The following FBXO25 variants were observed in gnomAD, a reference collection of about 807,000 sequenced individuals.
FBXO25 encodes F-box only protein 25.
FBXO25 carries 45 observed loss-of-function variants against 51.9 expected under a neutral mutation model. The ratio of observed to expected loss-of-function variants is 0.87; its 90% CI spans 0.68 to 1.11. FBXO25 has a LOEUF of 1.11. Among genes scored for constraint, FBXO25 ranks in the 50% most tolerant of loss-of-function variants. The pLI is 0.00. For synonymous variants in FBXO25, 199 were observed against 151.0 expected (o/e 1.32, Z -2.33); for missense variants, 507 against 428.5 (o/e 1.18, Z -1.62).
chr8:455,124 G>A (rs969208476), intron 7 of FBXO25, among the ~76,000 whole-genome samples: 1 of 151,578 alleles, frequency 6.6e-6, no homozygotes, highest in Non-Finnish European at 1.5e-5. Context: ...TCCGCATCCA[G>A]GGGCTAATAA....
chr8:454,394 C>G (rs192669100), intron 7 of FBXO25, among the ~76,000 whole-genome samples: 116 of 152,350 alleles, frequency 7.6e-4, no homozygotes, highest in Admixed American at 6.9e-3. Flanking sequence ...TCAGCACTTC[C>G]TAGATGCCCC....
At position 432,287 on chromosome 8, in the gene FBXO25, G is replaced by A. The variant is rs543677753; in HGVS notation, c.239-599G>A. ...GGATTTGCATCCCAGGCAGGACAGA[G>A]CAGGACGGTGTGAGATTTCATGACA... On this transcript the variant is annotated intron_variant, in intron 3 of 9. Transcript: ENST00000350302. Among the ~76,000 whole-genome samples the A allele has an allele frequency of 1.3e-4, 20 of 152,238 alleles. No individual in the cohort carries two copies. In the South Asian group the frequency reaches 3.7e-3, roughly 28 times the overall value.
chr8:422,697 T>G (rs1308608926), intron 2 of FBXO25, among the ~76,000 whole-genome samples: 1 of 152,160 alleles, frequency 6.6e-6, no homozygotes, highest in Non-Finnish European at 1.5e-5. Flanking sequence ...TTAAGAAAAT[T>G]AATAGGCAAG....
intron 2 of FBXO25, among the ~76,000 whole-genome samples, chr8:430,403 T>G (rs538158895): frequency 5.9e-5 from 9 of 152,238 alleles, no homozygotes; most frequent in Non-Finnish European, 1.3e-4. Context: ...TGTTTAAGTC[T>G]GTTCTGACAG....
intron 8 of FBXO25, among the ~76,000 whole-genome samples, chr8:458,943 C>T (rs1799631208): frequency 6.6e-6 from 1 of 152,176 alleles, no homozygotes; most frequent in East Asian, 1.9e-4. Context: ...GCCTCAGTCT[C>T]TCAGCACTCG....
intron 2 of FBXO25, among the ~76,000 whole-genome samples, 186 bp downstream of exon 2, chr8:413,399 C>G (rs1796604582): frequency 2.0e-5 from 3 of 151,992 alleles, no homozygotes; most frequent in East Asian, 3.9e-4. Flanking sequence ...TACACAGATG[C>G]TTTCGTCTTT....
rs1398107768 is a variant in FBXO25 at position 468,756 on chromosome 8, C to A, written c.1029C>A (p.Cys343Ter). 6.2e-7 allele frequency: 1 copy of A among 1,614,086 alleles called. No individual in the cohort carries two copies. The highest frequency in any genetic ancestry group is 8.5e-7 in the Non-Finnish European group (1 of 1,180,030). Residue 343 changes from cysteine (C) to a stop codon, truncating the protein, a stop_gained, in exon 10 of 10, where the codon TGC becomes TGA. Transcript: ENST00000350302. LOFTEE classifies it high-confidence loss of function. ...HPCTAADPDS[C>*]FTPVSPQHFI... is the part of the protein sequence containing the mutation. ...GCACGGCGGCCGACCCTGACAGCTGCTTCACGCCTGTGTCTCCGCAGCACT... is the reference window on the plus strand; with the variant it reads ...GCACGGCGGCCGACCCTGACAGCTGATTCACGCCTGTGTCTCCGCAGCACT...
At chr8:457,518 C>T (rs1272762276) in intron 7 of FBXO25, among the ~76,000 whole-genome samples, 1 of 152,120 alleles carries the variant, frequency 6.6e-6, no homozygotes, top group East Asian at 1.9e-4. Flanking sequence ...AACTTGAAGT[C>T]ATAGAAATGT....
chr8:436,692 T>A (rs1798122891), intron 5 of FBXO25, among the ~76,000 whole-genome samples: 1 of 152,146 alleles, frequency 6.6e-6, no homozygotes, highest in South Asian at 2.1e-4. Context: ...GAAATGCAGA[T>A]TTGACTCAGC....
At chr8:461,649 A>T (rs1470793567) in intron 8 of FBXO25, among the ~76,000 whole-genome samples, 1 of 151,994 alleles carries the variant, frequency 6.6e-6, no homozygotes, top group Non-Finnish European at 1.5e-5. Flanking sequence ...AAACAAAACA[A>T]AACAAAACAT....
rs202208815 is a variant in FBXO25 at position 462,991 on chromosome 8, A to C, written c.844-16A>C. On this transcript the variant is annotated splice_polypyrimidine_tract_variant and intron_variant, in intron 8 of 9. Transcript: ENST00000350302. Reference sequence around the variant, plus strand: ...GTCATCTTATGCGGATTCTGAATGGAGTTTTGTTTGTTTAGTTTTGTAGAC... The same window carrying C: ...GTCATCTTATGCGGATTCTGAATGGCGTTTTGTTTGTTTAGTTTTGTAGAC... The C allele has an allele frequency of 2.5e-6, 4 of 1,596,474 alleles. No individual in the cohort carries two copies. The East Asian group carries it at 9.0e-5, about 36-fold the overall frequency.
In FBXO25 at chr8:471,948, A is replaced by G. The variant is rs556757962; in HGVS notation, c.*3144A>G. The G allele has an allele frequency of 2.0e-5, 3 of 152,246 alleles. No homozygotes were observed. Among genetic ancestry groups the G allele is most frequent in the East Asian group, 1.9e-4 (1 of 5,194 alleles). 9.4% of individuals were successfully genotyped at this position (152,246 alleles called of 1,614,324 possible). ...GCTGCTTTTAGAACCAAACTGTCAT[A>G]TAAGATTTATCAGCTCTTTTAACAC... On this transcript the variant is annotated 3_prime_UTR_variant, in exon 10 of 10. Coordinates refer to ENST00000350302, the MANE Select transcript of FBXO25 (RefSeq NM_183420.2).
chr8:470,133 G>A lies in FBXO25; in HGVS notation c.*1329G>A, dbSNP rs1800433077. ...ATCCTAAATGTTATTTGGAAACTTGGCTTTTATTAGCTCCACAGAATCACC... is the reference window on the plus strand; with the variant it reads ...ATCCTAAATGTTATTTGGAAACTTGACTTTTATTAGCTCCACAGAATCACC... On this transcript the variant is annotated 3_prime_UTR_variant, in exon 10 of 10. Coordinates refer to ENST00000350302, the MANE Select transcript of FBXO25 (RefSeq NM_183420.2). The A allele has an allele frequency of 6.6e-6, 1 of 151,946 alleles. No individual in the cohort carries two copies. The highest frequency in any genetic ancestry group is 1.5e-5 in the Non-Finnish European group (1 of 68,002). The allele number at this position is 151,946 out of a possible 1,614,324, so 9.4% of individuals were successfully genotyped here. A position where few individuals can be genotyped will look rare whatever the true frequency, so the allele number is the denominator to read the frequency against.
At position 413,681 on chromosome 8, in the gene FBXO25, G is replaced by C. The variant is rs1028805493; in HGVS notation, c.134+468G>C. Among the ~76,000 whole-genome samples, 5 of 152,174 alleles carry C rather than the reference G, an allele frequency of 3.3e-5. No homozygotes were observed. In the East Asian group the frequency reaches 9.6e-4, roughly 29 times the overall value. On this transcript the variant is annotated intron_variant, in intron 2 of 9. Transcript: ENST00000350302. The stretch of plus-strand genomic sequence containing the variant: ...CCATCCCAAGAGTGCAGCCTTACCT[G>C]CATGGTCCAAAACGGTGTATTACCT...
At chr8:464,655 A>AT (rs1800037981) in intron 9 of FBXO25, among the ~76,000 whole-genome samples, 1 of 152,134 alleles carries the variant, frequency 6.6e-6, no homozygotes, top group Non-Finnish European at 1.5e-5. Flanking sequence ...ACTGCTTTTC[A>AT]TTTTTTCATT....
intron 5 of FBXO25, among the ~76,000 whole-genome samples, chr8:443,065 G>A (rs1312381907): frequency 6.6e-6 from 1 of 151,772 alleles, no homozygotes; most frequent in Non-Finnish European, 1.5e-5. Context: ...TTCCATTGAA[G>A]GAAGTGCTCC....
intron 5 of FBXO25, among the ~76,000 whole-genome samples, chr8:448,245 A>G (rs1267699971): frequency 6.6e-6 from 1 of 152,166 alleles, no homozygotes; most frequent in Non-Finnish European, 1.5e-5. Flanking sequence ...GGAAGTGTAC[A>G]TTGTGAGAGG....
intron 5 of FBXO25, among the ~76,000 whole-genome samples, chr8:442,164 G>A (rs1798465139): frequency 6.6e-6 from 1 of 152,112 alleles, no homozygotes; most frequent in African/African-American, 2.4e-5. Context: ...AATTTATTCA[G>A]TAGGCCCTGC....
intron 5 of FBXO25, among the ~76,000 whole-genome samples, chr8:439,852 G>C (rs1435228017): frequency 1.3e-5 from 2 of 152,220 alleles, no homozygotes; most frequent in Non-Finnish European, 2.9e-5. Context: ...AGGATAACTT[G>C]AGCCCAGGAG....
Sources: gnomAD v4.1 joint callset for allele counts (sites outside exome capture counted in the v4.1 genomes callset) on GRCh38, gnomAD v4.1.1 for gene constraint, MANE v1.5 for transcripts, NCBI Gene and HGNC (gene_info 2026-07-23, HGNC 2026-07-21) for gene names.